Variants in CR1L observed in about 807,000 individuals in gnomAD.
CR1L encodes complement C3b/C4b receptor 1 like, also known as complement component receptor 1-like protein.
Under a neutral mutation model 62.3 loss-of-function variants are expected in CR1L, and 59 were observed. That is an observed-to-expected ratio of 0.95 (90% CI 0.77 to 1.18). The LOEUF is 1.18. CR1L is among the 50% of genes most tolerant of loss of function. CR1L has a pLI of 0.00. For synonymous variants in CR1L, 279 were observed against 248.7 expected (o/e 1.12, Z -1.15); for missense variants, 700 against 702.8 (o/e 1.00, Z 0.04).
chr1:207,693,552 T>C (rs1248767820), intron 4 of CR1L, among the ~76,000 whole-genome samples: 5 of 152,262 alleles, frequency 3.3e-5, no homozygotes, highest in Non-Finnish European at 7.3e-5. Context: ...TTTATTCTTC[T>C]ATATCTTGGT....
intron 9 of CR1L, 166 bp downstream of exon 9, chr1:207,701,784 G>GA (rs985001872): frequency 7.0e-6 from 7 of 998,970 alleles, no homozygotes; most frequent in South Asian, 1.4e-5. Context: ...AAGATTAGGG[G>GA]AAAAATCTGT....
At chr1:207,647,904 C>CT (rs975019501) in intron 1 of CR1L, among the ~76,000 whole-genome samples, 3 of 151,976 alleles carry the variant, frequency 2.0e-5, no homozygotes, top group Admixed American at 6.6e-5. Context: ...AACGAAAGGA[C>CT]TTTTTTTTCT....
At chr1:207,679,445 C>T (rs1276266821) in intron 3 of CR1L, among the ~76,000 whole-genome samples, 1 of 152,074 alleles carries the variant, frequency 6.6e-6, no homozygotes, top group African/African-American at 2.4e-5. Flanking sequence ...TTAAGACATC[C>T]ATATATTTCA....
intron 10 of CR1L, among the ~76,000 whole-genome samples, chr1:207,716,135 A>C (rs1019741993): frequency 8.5e-5 from 13 of 152,218 alleles, no homozygotes; most frequent in African/African-American, 3.1e-4. Flanking sequence ...GAGTAAAAGA[A>C]TAGTGAAGCC....
intron 1 of CR1L, among the ~76,000 whole-genome samples, chr1:207,670,321 C>T (rs1004718106): frequency 3.3e-5 from 5 of 151,110 alleles, no homozygotes; most frequent in African/African-American, 1.2e-4. Context: ...GCAATGTAAC[C>T]GCTGCAGGTA....
At chr1:207,660,132 C>T (rs1255993778) in intron 1 of CR1L, among the ~76,000 whole-genome samples, 2 of 152,258 alleles carry the variant, frequency 1.3e-5, no homozygotes, top group East Asian at 3.8e-4. Flanking sequence ...CTTCTGCACA[C>T]TTAAACGTCC....
At chr1:207,703,201 C>G (rs1664218787) in intron 9 of CR1L, among the ~76,000 whole-genome samples, 1 of 152,180 alleles carries the variant, frequency 6.6e-6, no homozygotes, top group African/African-American at 2.4e-5. Flanking sequence ...ATAGCAGATT[C>G]TCCATGTAGA....
At position 207,717,476 on chromosome 1, in the gene CR1L, CA is replaced by C; in HGVS notation, c.1430del (p.Asn477IlefsTer36). 1 of 1,613,266 alleles carries C rather than the reference CA, an allele frequency of 6.2e-7. No homozygotes were observed. Among genetic ancestry groups the C allele is most frequent in the Non-Finnish European group, 8.5e-7 (1 of 1,179,474 alleles). On this transcript the variant is annotated frameshift_variant, in exon 11 of 12. Transcript: ENST00000508064. LOFTEE classifies it high-confidence loss of function. ...GTTTTCTTTCTAGAAATCTTTTGTC[CA>C]AATCCTCCAGCTATCCTTAATGGGA... ...KPPICQQIFC[P>X]NPPAILNGRH...
At position 207,717,630 on chromosome 1, in the gene CR1L, A is replaced by G; in HGVS notation, c.1581A>G (p.Glu527=). ...AGAGCACCATCCGCCGCACAAGTGA[A>G]CCTCATGGGAATGGGGTTTGGAGCA... ...IGESTIRRTS[E]PHGNGVWSSP... The change falls in exon 11 of 12, where the codon GAA becomes GAG. Residue 527 remains glutamate (E), a synonymous_variant. Coordinates refer to ENST00000508064, the MANE Select transcript of CR1L (RefSeq NM_175710.2). 1.2e-6 allele frequency: 2 copies of G among 1,613,888 alleles called. No homozygotes were observed. The highest frequency in any genetic ancestry group is 1.7e-6 in the Non-Finnish European group (2 of 1,179,880).
At chr1:207,678,443 T>A in intron 3 of CR1L, 146 bp downstream of exon 3, 1 of 692,528 alleles carries the variant, frequency 1.4e-6, no homozygotes, top group Non-Finnish European at 2.4e-6. Context: ...AGCTCCTGAC[T>A]GAAATGGACA....
At chr1:207,650,361 C>T (rs1384168555) in intron 1 of CR1L, among the ~76,000 whole-genome samples, 3 of 152,148 alleles carry the variant, frequency 2.0e-5, no homozygotes, top group Non-Finnish European at 2.9e-5. Context: ...GGAGTGAGAA[C>T]TCTTCAGGCA....
chr1:207,684,062 C>T (rs539221181), intron 4 of CR1L, 105 bp downstream of exon 4: 68 of 1,070,528 alleles, frequency 6.4e-5, no homozygotes, highest in African/African-American at 4.4e-4. Flanking sequence ...CTGTACTTCA[C>T]ATGGCTGAAG....
intron 9 of CR1L, among the ~76,000 whole-genome samples, chr1:207,707,530 A>G (rs1664285203): frequency 6.6e-6 from 1 of 152,180 alleles, no homozygotes; most frequent in Non-Finnish European, 1.5e-5. Flanking sequence ...CAGGAGGATG[A>G]GTCAGGAGAA....
intron 9 of CR1L, among the ~76,000 whole-genome samples, chr1:207,707,948 A>G (rs1021565609): frequency 3.3e-5 from 5 of 152,228 alleles, no homozygotes; most frequent in African/African-American, 1.2e-4. Flanking sequence ...GTCCACAATG[A>G]AGTCAAGATA....
chr1:207,683,972 G>T lies in CR1L; in HGVS notation c.463+15G>T. On this transcript the variant is annotated intron_variant, in intron 4 of 11. Transcript: ENST00000508064. ...TGTTTGTGACAGTGAGTTGAAATAT[G>T]CATTCCTATTTCTTTTACCGATACA... 6.2e-7 allele frequency: 1 copy of T among 1,603,364 alleles called. No individual in the cohort carries two copies. The highest frequency in any genetic ancestry group is 1.1e-5 in the South Asian group (1 of 89,958).
At chr1:207,705,698 C>T (rs1434491998) in intron 9 of CR1L, among the ~76,000 whole-genome samples, 1 of 152,144 alleles carries the variant, frequency 6.6e-6, no homozygotes, top group African/African-American at 2.4e-5. Context: ...GTTCCTTCCT[C>T]ATCTTGCATT....
intron 1 of CR1L, among the ~76,000 whole-genome samples, chr1:207,661,108 G>A (rs1481171572): frequency 1.3e-5 from 2 of 152,214 alleles, no homozygotes; most frequent in Non-Finnish European, 2.9e-5. Context: ...GTGCTGAAAA[G>A]AATGTATATT....
intron 10 of CR1L, among the ~76,000 whole-genome samples, chr1:207,715,025 T>C (rs999857012): frequency 9.9e-5 from 15 of 152,226 alleles, no homozygotes; most frequent in Non-Finnish European, 2.2e-4. Context: ...TCATGCCTTC[T>C]GTAGGTGATG....
intron 7 of CR1L, 146 bp from the exon 8 acceptor site, chr1:207,699,043 T>C (rs1351153308): frequency 2.1e-5 from 21 of 981,552 alleles, no homozygotes; most frequent in Non-Finnish European, 3.3e-5. Flanking sequence ...GGCTGTGATT[T>C]TTCCAGAATA....
Sources: gnomAD v4.1 joint callset for allele counts (sites outside exome capture counted in the v4.1 genomes callset) on GRCh38, gnomAD v4.1.1 for gene constraint, MANE v1.5 for transcripts, NCBI Gene and HGNC (gene_info 2026-07-23, HGNC 2026-07-21) for gene names.